RNF40: variants seen among roughly 807,000 people sequenced by gnomAD.
RNF40 encodes ring finger protein 40, also known as E3 ubiquitin-protein ligase BRE1B.
A neutral mutation model predicts 123.3 loss-of-function variants in RNF40; 39 were observed. The ratio of observed to expected loss-of-function variants is 0.32; its 90% CI spans 0.24 to 0.41. The LOEUF (loss-of-function observed/expected upper bound fraction) is 0.41. Among genes scored for constraint, RNF40 ranks in the 10% least tolerant of loss-of-function variants. RNF40 has a pLI of 1.00. For missense variants in RNF40, 1,003 were observed against 1,319.9 expected, an observed-to-expected ratio of 0.76 and a Z score of 3.72; for synonymous variants, 538 against 526.0, an observed-to-expected ratio of 1.02 and a Z score of -0.31.
rs1163778511 is a variant in RNF40, at chr16:30,764,965, C to T, written c.677C>T (p.Ala226Val). 1 of 1,612,594 alleles carries T rather than the reference C, an allele frequency of 6.2e-7. No individual in the cohort carries two copies. Among genetic ancestry groups the T allele is most frequent in the Non-Finnish European group, 8.5e-7 (1 of 1,180,010 alleles). Reference protein sequence around the residue: ...RGDSEPLSEAAQAHTRELGRE... With the variant: ...RGDSEPLSEAVQAHTRELGRE... The stretch of plus-strand genomic sequence containing the variant: ...GACAGTGAGCCCCTCAGTGAGGCGG[C>T]TCAGGCACACACCCGAGAGCTGGGC... The change falls in exon 6 of 20, where the codon GCT (alanine) becomes GTT (valine). Residue 226 changes from alanine (A) to valine (V), a missense_variant. Around this residue, in one of 11 missense-constraint regions of RNF40, gnomAD observed 274 missense variants for 356.9 expected, o/e 0.77. Coordinates refer to ENST00000324685, the MANE Select transcript of RNF40 (RefSeq NM_014771.4).
At position 30,766,919 on chromosome 16, in the gene RNF40, G is replaced by T; in HGVS notation, c.1429+43G>T. The T allele has an allele frequency of 6.2e-7, 1 of 1,602,062 alleles. No individual in the cohort carries two copies. Among genetic ancestry groups the T allele is most frequent in the Non-Finnish European group, 8.5e-7 (1 of 1,173,802 alleles). On this transcript the variant is annotated intron_variant, in intron 11 of 19. Transcript: ENST00000324685. This position sits in a 1 kb window ranked among gnomAD's most constrained non-coding sequence, Gnocchi z 5.4. ...GGCGGAGGTGGGGCCTTATCTGGGA[G>T]TGCTGGGCCCTGGTGTGGGGCTGCT...
intron 6 of RNF40, 51 bp downstream of exon 6, chr16:30,765,110 G>C (rs748821550): frequency 8.1e-6 from 13 of 1,611,490 alleles, no homozygotes; most frequent in Middle Eastern, 1.6e-4. Flanking sequence ...CAGGATTTGG[G>C]TTAGATGGGC....
Position 30,768,633 on chromosome 16 carries a change from G to A in RNF40, c.1994G>A (p.Ser665Asn), listed in dbSNP as rs1264450686. 1 of 1,614,238 alleles carries A rather than the reference G, an allele frequency of 6.2e-7. No homozygotes were observed. The highest frequency in any genetic ancestry group is 1.3e-5 in the African/African-American group (1 of 75,080). Residue 665 changes from serine to asparagine, a missense_variant, in exon 14 of 20, where the codon AGC (serine) becomes AAC (asparagine). Around this residue, in one of 11 missense-constraint regions of RNF40, gnomAD observed 295 missense variants for 331.7 expected, o/e 0.89. Transcript: ENST00000324685. The surrounding 1 kb of genome is among the most constrained non-coding windows in gnomAD (Gnocchi z 4.1). ...LRAELKKAQE[S>N]QKEMKLLLDM... ...CTTCTTGCCAGGAAGGCCCAGGAGAGCCAGAAGGAGATGAAACTGCTGCTG... is the reference window on the plus strand; with the variant it reads ...CTTCTTGCCAGGAAGGCCCAGGAGAACCAGAAGGAGATGAAACTGCTGCTG...
In RNF40 at chr16:30,766,021, T is replaced by G; in HGVS notation, c.994-142T>G. 8.5e-7 allele frequency: 1 copy of G among 1,173,324 alleles called. No homozygotes were observed. The highest frequency in any genetic ancestry group is 1.2e-6 in the Non-Finnish European group (1 of 815,800). 72.7% of individuals were successfully genotyped at this position (1,173,324 alleles called of 1,614,324 possible). A position where few individuals can be genotyped will look rare whatever the true frequency, so the allele number is the denominator to read the frequency against. ...TTTCTCCCATTTTTCTGGGAGCCCTTAGGAAAGTACTTGGTTTGGGGTGTC... is the reference window on the plus strand; with the variant it reads ...TTTCTCCCATTTTTCTGGGAGCCCTGAGGAAAGTACTTGGTTTGGGGTGTC... On this transcript the variant is annotated intron_variant, in intron 8 of 19. Coordinates refer to ENST00000324685, the MANE Select transcript of RNF40 (RefSeq NM_014771.4). This position sits in a 1 kb window ranked among gnomAD's most constrained non-coding sequence, Gnocchi z 5.4.
intron 19 of RNF40, chr16:30,773,699 A>G (rs1203739504): frequency 2.4e-6 from 1 of 410,060 alleles, no homozygotes; most frequent in Non-Finnish European, 4.3e-6. Flanking sequence ...TTGAGGGGAC[A>G]CATGATAGCC....
rs373027163 is a variant in RNF40 at position 30,772,020 on chromosome 16, G to A, written c.2727+47G>A. 60 of 1,588,078 alleles carry A rather than the reference G, an allele frequency of 3.8e-5. No homozygotes were observed. In the Middle Eastern group the frequency reaches 5.0e-4, roughly 13 times the overall value. ...CAGGCCAGGGTGGTCCACGGTCACG[G>A]ACCTATCCTGGGGGCAAGCGGCTCA... is the stretch of plus-strand genomic sequence containing the variant. On this transcript the variant is annotated intron_variant, in intron 18 of 19. Coordinates refer to ENST00000324685, the MANE Select transcript of RNF40 (RefSeq NM_014771.4).
Position 30,768,530 on chromosome 16 carries a change from A to G in RNF40, c.1979A>G (p.Lys660Arg), listed in dbSNP as rs2054082164. 1.2e-6 allele frequency: 2 copies of G among 1,612,024 alleles called. No homozygotes were observed. The highest frequency in any genetic ancestry group is 1.7e-6 in the Non-Finnish European group (2 of 1,178,546). The change falls in exon 13 of 20, where the codon AAG becomes AGG. Residue 660 changes from lysine to arginine, a missense_variant and splice_region_variant. Physicochemically the swap from Lys to Arg is conservative, Grantham distance 26. Coordinates refer to ENST00000324685, the MANE Select transcript of RNF40 (RefSeq NM_014771.4). This position sits in a 1 kb window ranked among gnomAD's most constrained non-coding sequence, Gnocchi z 4.1. ...ELLKGLRAEL[K>R]KAQESQKEMK... is the part of the protein sequence containing the mutation. Reference sequence around the variant, plus strand: ...CTCAAGGGTCTCCGAGCAGAGCTCAAGTGAGGCTCTGTTCCTGTCTCCTTC... The same window carrying G: ...CTCAAGGGTCTCCGAGCAGAGCTCAGGTGAGGCTCTGTTCCTGTCTCCTTC...
In RNF40 at chr16:30,764,943, A is replaced by G. The variant is rs1332368585; in HGVS notation, c.655A>G (p.Ser219Gly). 4 of 1,611,592 alleles carry G rather than the reference A, an allele frequency of 2.5e-6. No homozygotes were observed. The highest frequency in any genetic ancestry group is 3.4e-6 in the Non-Finnish European group (4 of 1,179,608). Reference sequence around the variant, plus strand: ...CCTGGGCCCTGCCTTCCCAGGGGACAGTGAGCCCCTCAGTGAGGCGGCTCA... The same window carrying G: ...CCTGGGCCCTGCCTTCCCAGGGGACGGTGAGCCCCTCAGTGAGGCGGCTCA... ...LCQRVYSRGDSEPLSEAAQAH... is the reference protein window; with the variant it reads ...LCQRVYSRGDGEPLSEAAQAH... Residue 219 changes from serine to glycine, a missense_variant, in exon 6 of 20, where the codon AGT (serine) becomes GGT (glycine). Ser to Gly is a moderately conservative substitution (Grantham distance 56). Transcript: ENST00000324685.
In RNF40 at chr16:30,768,862, C is replaced by CA. The variant is rs1567286337; in HGVS notation, c.2122_2123insA (p.Arg708GlnfsTer17). The stretch of plus-strand genomic sequence containing the variant: ...GGTTGATGAGCTGCGGAGCCGCATC[C>CA]GGGAATTGGAGGAGAGGGATCGAAG... On this transcript the variant is annotated frameshift_variant, in exon 15 of 20. Transcript: ENST00000324685. LOFTEE classifies it high-confidence loss of function. The surrounding 1 kb of genome is among the most constrained non-coding windows in gnomAD (Gnocchi z 4.1). 1 of 1,614,202 alleles carries CA rather than the reference C, an allele frequency of 6.2e-7. No homozygotes were observed. Among genetic ancestry groups the CA allele is most frequent in the Admixed American group, 1.7e-5 (1 of 60,032 alleles).
At chr16:30,765,716 C>CT (rs1389457287) in intron 8 of RNF40, among the ~76,000 whole-genome samples, 4 of 152,324 alleles carry the variant, frequency 2.6e-5, no homozygotes, top group Middle Eastern at 3.4e-3. Flanking sequence ...GAGGTCAAAA[C>CT]TTTCATGGAC....
chr16:30,763,336 C>T lies in RNF40; in HGVS notation c.300+51C>T, dbSNP rs148222696. On this transcript the variant is annotated intron_variant, in intron 3 of 19. Coordinates refer to ENST00000324685, the MANE Select transcript of RNF40 (RefSeq NM_014771.4). ...CAGGCCTTGATTCAGCTGCCAATCCCCAGATTCCCCTGCTAGGAAAGGAGT... is the reference window on the plus strand; with the variant it reads ...CAGGCCTTGATTCAGCTGCCAATCCTCAGATTCCCCTGCTAGGAAAGGAGT... The T allele has an allele frequency of 2.5e-6, 4 of 1,609,702 alleles. No homozygotes were observed. The East Asian group carries it at 6.7e-5, about 27-fold the overall frequency.
rs918153106 is a variant in RNF40, at chr16:30,771,690, G to T, written c.2587-143G>T. The T allele has an allele frequency of 2.7e-5, 22 of 828,718 alleles. No homozygotes were observed. In the African/African-American group the frequency reaches 3.6e-4, roughly 14 times the overall value. 51.3% of individuals were successfully genotyped at this position (828,718 alleles called of 1,614,324 possible). ...GAACTGGAGAGGGAGAACAGGAGGG[G>T]AGGGCTTAGGGCTCAGGAGGCAGGA... On this transcript the variant is annotated intron_variant, in intron 17 of 19. Transcript: ENST00000324685.
At chr16:30,767,817 C>A in intron 11 of RNF40, 77 bp from the exon 12 acceptor site, 1 of 1,593,890 alleles carries the variant, frequency 6.3e-7, no homozygotes, top group South Asian at 1.1e-5. Context: ...GATGGCATAG[C>A]CTCTTACCCC....
intron 4 of RNF40, 72 bp downstream of exon 4, chr16:30,763,631 G>A: frequency 6.6e-7 from 1 of 1,524,554 alleles, no homozygotes; most frequent in Non-Finnish European, 8.9e-7. Context: ...GGACTTTGGT[G>A]TTGGGCCCCT....
chr16:30,767,265 A>G (rs1311813452), intron 11 of RNF40, among the ~76,000 whole-genome samples: 1 of 152,362 alleles, frequency 6.6e-6, no homozygotes, highest in African/African-American at 2.4e-5. Context: ...CTGATAGAAG[A>G]CAGACTAGAG....
Position 30,766,263 on chromosome 16 carries a change from G to A in RNF40, c.1094G>A (p.Arg365Gln), listed in dbSNP as rs755165767. ...KLQAELQGAV[R>Q]TNERLKVALR... ...CAGGCCGAACTTCAGGGGGCTGTGC[G>A]GACCAATGAGCGCCTCAAGGTGGGC... The change falls in exon 9 of 20, where the codon CGG (arginine) becomes CAG (glutamine). Residue 365 changes from arginine to glutamine, a missense_variant. Coordinates refer to ENST00000324685, the MANE Select transcript of RNF40 (RefSeq NM_014771.4). The surrounding 1 kb of genome is among the most constrained non-coding windows in gnomAD (Gnocchi z 5.4). 10 of 1,614,130 alleles carry A rather than the reference G, an allele frequency of 6.2e-6. No individual in the cohort carries two copies. The highest frequency in any genetic ancestry group is 2.2e-5 in the East Asian group (1 of 44,888).
upstream of RNF40, chr16:30,762,287 GCAGTGGCGTC>G (rs1373882989): frequency 1.7e-4 from 79 of 475,926 alleles, no homozygotes; most frequent in Non-Finnish European, 2.7e-4. Flanking sequence ...TGGGGGGGGG[GCAGTGGCGTC>G]CAGTGACGCC....
rs1365184421 is a variant in RNF40 at position 30,763,098 on chromosome 16, C to A, written c.133-20C>A. 3.1e-6 allele frequency: 5 copies of A among 1,612,950 alleles called. No homozygotes were observed. The highest frequency in any genetic ancestry group is 3.4e-6 in the Non-Finnish European group (4 of 1,179,706). ...GGCCCTGCTTGACGCTCTCGTCGGC[C>A]CCTTTGTTTCCTTTGGTAGGAGGAG... is the stretch of plus-strand genomic sequence containing the variant. On this transcript the variant is annotated intron_variant, in intron 2 of 19. Coordinates refer to ENST00000324685, the MANE Select transcript of RNF40 (RefSeq NM_014771.4).
chr16:30,761,629 C>A (rs774214011), upstream of RNF40: 1 of 1,536,108 alleles, frequency 6.5e-7, no homozygotes, highest in African/African-American at 1.4e-5. Context: ...CACGCGTCCG[C>A]GCGGCCGACC....
Sources: allele counts gnomAD v4.1 joint callset (sites outside exome capture counted in the v4.1 genomes callset), GRCh38; gene constraint gnomAD v4.1.1; regional missense constraint gnomAD v4.1.1; non-coding constraint Gnocchi (gnomAD v3.1); transcripts MANE v1.5; gene names NCBI Gene and HGNC (gene_info 2026-07-23, HGNC 2026-07-21).